TRMT9B: variants seen among roughly 807,000 people sequenced by gnomAD.
TRMT9B encodes probable tRNA methyltransferase 9B.
Under a neutral mutation model 11.5 loss-of-function variants are expected in TRMT9B, and 16 were observed. That is an observed-to-expected ratio of 1.39 (90% confidence interval 0.94 to 2.11). The LOEUF (loss-of-function observed/expected upper bound fraction) is 2.11, where lower values mean the gene tolerates loss of function less well. Among genes scored for constraint, TRMT9B ranks in the 30% most tolerant of loss-of-function variants. TRMT9B has a pLI of 0.00. For missense variants in TRMT9B, 941 were observed against 553.8 expected (o/e 1.70, Z -7.02); for synonymous variants, 274 against 192.4 (o/e 1.42, Z -3.51).
intron 1 of TRMT9B, among the ~76,000 whole-genome samples, chr8:12,947,892 G>A (rs1166425250): frequency 6.6e-6 from 1 of 152,166 alleles, no homozygotes; most frequent in African/African-American, 2.4e-5. Context: ...AAGCATTGGG[G>A]CTGCCTTGCT....
At chr8:13,006,114 C>G in intron 2 of TRMT9B, 88 bp from the exon 3 acceptor site, 1 of 1,298,102 alleles carries the variant, frequency 7.7e-7, no homozygotes, top group Non-Finnish European at 1.1e-6. Context: ...GTTGTAGGCT[C>G]CAGATTTTAG....
chr8:12,970,569 G>A (rs568358433), intron 1 of TRMT9B, among the ~76,000 whole-genome samples: 4 of 152,342 alleles, frequency 2.6e-5, no homozygotes, highest in African/African-American at 9.6e-5. Context: ...GAGATGAGCC[G>A]GCTGTGCTGA....
In TRMT9B at chr8:13,000,702, G is replaced by C. The variant is rs372013159; in HGVS notation, c.-1-5500G>C. On this transcript the variant is annotated intron_variant, in intron 2 of 4. Transcript: ENST00000524591. ...AGCTTTACAAGTTGCTTGAAAAGTA[G>C]CAATAAAGGTAAGATATTACAACAC... 6.2e-4 allele frequency among the ~76,000 whole-genome samples: 94 copies of C among 152,244 alleles called. 1 individual carries two copies. The highest frequency in any genetic ancestry group is 2.1e-3 in the African/African-American group (86 of 41,528).
At chr8:13,009,337 G>GA (rs372845847) in intron 3 of TRMT9B, among the ~76,000 whole-genome samples, 208 of 149,112 alleles carry the variant, frequency 1.4e-3, no homozygotes, top group Non-Finnish European at 2.2e-3. Context: ...AAATTCAAAG[G>GA]AAAAAAAAAG....
At chr8:12,999,962 C>A (rs959335309) in intron 2 of TRMT9B, among the ~76,000 whole-genome samples, 2 of 152,136 alleles carry the variant, frequency 1.3e-5, no homozygotes, top group Non-Finnish European at 2.9e-5. Flanking sequence ...TATATGGTAA[C>A]AAGTTGTCAT....
rs2128893546 is a variant in TRMT9B at position 13,010,615 on chromosome 8, C to G, written c.155-2069C>G. ...GGAAGCATGTCAGGAGAAAAGACCT[C>G]TGTTTCCTTCTTATTACAAAATGCT... On this transcript the variant is annotated intron_variant, in intron 3 of 4. Transcript: ENST00000524591. 5 of 985,222 alleles carry G rather than the reference C, an allele frequency of 5.1e-6. No individual in the cohort carries two copies. In the South Asian group the frequency reaches 2.3e-4, roughly 46 times the overall value. The allele number at this position is 985,222 out of a possible 1,614,324, so 61.0% of individuals were successfully genotyped here.
intron 4 of TRMT9B, among the ~76,000 whole-genome samples, chr8:13,013,071 A>T (rs183869831): frequency 1.3e-5 from 2 of 152,250 alleles, no homozygotes; most frequent in African/African-American, 4.8e-5. Flanking sequence ...TAAACCTTCA[A>T]CTTGGTATTG....
intron 1 of TRMT9B, among the ~76,000 whole-genome samples, chr8:12,947,112 T>A (rs1011099168): frequency 6.6e-6 from 1 of 152,240 alleles, no homozygotes; most frequent in Non-Finnish European, 1.5e-5. Flanking sequence ...CTGTGAGCTC[T>A]TTGATTCTCA....
At chr8:12,959,141 A>C (rs1379324320) in intron 1 of TRMT9B, among the ~76,000 whole-genome samples, 1 of 152,184 alleles carries the variant, frequency 6.6e-6, no homozygotes, top group Non-Finnish European at 1.5e-5. Context: ...TCTTTGTAAC[A>C]CAGGGGACCA....
intron 1 of TRMT9B, among the ~76,000 whole-genome samples, chr8:12,989,522 C>A (rs932091435): frequency 6.6e-5 from 10 of 152,264 alleles, no homozygotes; most frequent in Admixed American, 1.3e-4. Flanking sequence ...ACACTAGCTA[C>A]AATTCCTCTT....
At position 13,029,492 on chromosome 8, in the gene TRMT9B, T is replaced by G. The variant is rs1214317128; in HGVS notation, c.*7448T>G. 6.0e-6 allele frequency: 1 copy of G among 166,998 alleles called. No homozygotes were observed. Among genetic ancestry groups the G allele is most frequent in the Non-Finnish European group, 1.5e-5 (1 of 68,122 alleles). The allele number at this position is 166,998 out of a possible 1,614,324, so 10.3% of individuals were successfully genotyped here. A position where few individuals can be genotyped will look rare whatever the true frequency, so the allele number is the denominator to read the frequency against. ...TGTGTGTTTATGATATGTATTCAATTATTTAAGTTAAGTATCAGTGTATTT... is the reference window on the plus strand; with the variant it reads ...TGTGTGTTTATGATATGTATTCAATGATTTAAGTTAAGTATCAGTGTATTT... On this transcript the variant is annotated 3_prime_UTR_variant, in exon 5 of 5. Transcript: ENST00000524591.
At chr8:12,957,322 T>C (rs972118950) in intron 1 of TRMT9B, among the ~76,000 whole-genome samples, 6 of 152,056 alleles carry the variant, frequency 3.9e-5, no homozygotes, top group African/African-American at 1.2e-4. Context: ...TGTTAGAGAG[T>C]TTTAGTGTTT....
At chr8:12,951,119 A>C (rs938152175) in intron 1 of TRMT9B, among the ~76,000 whole-genome samples, 3 of 152,160 alleles carry the variant, frequency 2.0e-5, no homozygotes, top group African/African-American at 7.2e-5. Flanking sequence ...GTTTGTGTCC[A>C]GTTTTGGGCA....
chr8:12,960,679 G>A (rs1034572397), intron 1 of TRMT9B, among the ~76,000 whole-genome samples: 1 of 152,204 alleles, frequency 6.6e-6, no homozygotes, highest in Non-Finnish European at 1.5e-5. Flanking sequence ...AACCCTAAAT[G>A]CATATTACTA....
rs1272821806 is a variant in TRMT9B at position 13,025,152 on chromosome 8, A to G, written c.*3108A>G. 6.0e-6 allele frequency: 1 copy of G among 166,950 alleles called. No individual in the cohort carries two copies. Among genetic ancestry groups the G allele is most frequent in the Non-Finnish European group, 1.5e-5 (1 of 68,130 alleles). 10.3% of individuals were successfully genotyped at this position (166,950 alleles called of 1,614,324 possible). ...CTTTCTTATTCCTTCTTCTTTACTTACTGGCATCAGCACAGAGTCCCACTA... is the reference window on the plus strand; with the variant it reads ...CTTTCTTATTCCTTCTTCTTTACTTGCTGGCATCAGCACAGAGTCCCACTA... On this transcript the variant is annotated 3_prime_UTR_variant, in exon 5 of 5. Transcript: ENST00000524591.
intron 3 of TRMT9B, chr8:13,012,078 C>G (rs1419573391): frequency 2.1e-5 from 21 of 985,210 alleles, no homozygotes; most frequent in Non-Finnish European, 2.4e-5. Flanking sequence ...ATCTTTCTTG[C>G]CTTGGACCAG....
intron 2 of TRMT9B, among the ~76,000 whole-genome samples, chr8:12,998,447 A>T (rs1038974938): frequency 2.0e-5 from 3 of 152,204 alleles, no homozygotes; most frequent in African/African-American, 7.2e-5. Context: ...AACATAGAGG[A>T]CTCACTACAG....
At chr8:12,960,801 G>C (rs184144436) in intron 1 of TRMT9B, among the ~76,000 whole-genome samples, 1 of 152,218 alleles carries the variant, frequency 6.6e-6, no homozygotes, top group Admixed American at 6.5e-5. Flanking sequence ...GCCATGGGTC[G>C]AGTGTGGGGG....
intron 1 of TRMT9B, among the ~76,000 whole-genome samples, chr8:12,989,721 C>G (rs1482655439): frequency 6.6e-5 from 10 of 152,172 alleles, no homozygotes; most frequent in Non-Finnish European, 1.0e-4. Context: ...TTAGCTTTAC[C>G]CTGTCATAGG....
Sources: allele counts gnomAD v4.1 joint callset (sites outside exome capture counted in the v4.1 genomes callset), GRCh38; gene constraint gnomAD v4.1.1; transcripts MANE v1.5; gene names NCBI Gene and HGNC (gene_info 2026-07-23, HGNC 2026-07-21).